The following ADGRE2 variants were observed in gnomAD, a reference collection of about 807,000 sequenced individuals.
The protein encoded by ADGRE2 is CD97 antigen.
Under a neutral mutation model 100.8 loss-of-function variants are expected in ADGRE2, and 83 were observed. The observed-to-expected ratio is 0.82, with a 90% CI of 0.69 to 0.99. The LOEUF is 0.99. Ranked by LOEUF, ADGRE2 falls within the 50% of genes least tolerant of loss-of-function variation. The probability of loss-of-function intolerance (pLI) is 0.00; values close to 1 mark genes in which losing one functional copy is unlikely to be tolerated. For synonymous variants in ADGRE2, 355 were observed against 413.0 expected (o/e 0.86, Z 1.70); for missense variants, 814 against 1,035.7 (o/e 0.79, Z 2.94).
At chr19:14,737,870 G>A (rs774530733) in intron 20 of ADGRE2, among the ~76,000 whole-genome samples, 224 of 151,866 alleles carry the variant, frequency 1.5e-3, no homozygotes, top group African/African-American at 5.1e-3. Context: ...CCAGCTACTC[G>A]GGAGGCTGAG....
the ADGRE2 span, among the ~76,000 whole-genome samples, chr19:14,724,657 T>C: frequency 6.6e-6 from 1 of 152,084 alleles, no homozygotes; most frequent in African/African-American, 2.4e-5. Context: ...TCCCAGCTAC[T>C]CTGGAGGCTG....
the ADGRE2 span, among the ~76,000 whole-genome samples, chr19:14,724,842 A>G: frequency 6.6e-6 from 1 of 152,192 alleles, no homozygotes; most frequent in South Asian, 2.1e-4. Flanking sequence ...ACACATGTGC[A>G]TTAATTCTTT....
chr19:14,772,257 C>T (rs116744246), intron 5 of ADGRE2, 85 bp downstream of exon 5: 1 of 1,576,364 alleles, frequency 6.3e-7, no homozygotes. Flanking sequence ...TACTTGGGTA[C>T]CTGCTCCCTG....
At chr19:14,749,098 T>C (rs2043180410) in intron 16 of ADGRE2, among the ~76,000 whole-genome samples, 1 of 150,828 alleles carries the variant, frequency 6.6e-6, no homozygotes, top group Admixed American at 6.6e-5. Flanking sequence ...ATTATAATTA[T>C]ATAACCATAT....
chr19:14,726,451 C>T, the ADGRE2 span, among the ~76,000 whole-genome samples: 5 of 152,278 alleles, frequency 3.3e-5, no homozygotes, highest in East Asian at 3.9e-4. Context: ...ATTCTTCCCC[C>T]GAAAATGCTC....
chr19:14,730,871 C>A, downstream of ADGRE2, among the ~76,000 whole-genome samples: 1 of 151,680 alleles, frequency 6.6e-6, no homozygotes, highest in African/African-American at 2.4e-5. Flanking sequence ...CACGTGTACC[C>A]AATATTTAGC....
At chr19:14,773,212 C>T (rs1003024165) in intron 4 of ADGRE2, among the ~76,000 whole-genome samples, 99 of 151,302 alleles carry the variant, frequency 6.5e-4, no homozygotes, top group African/African-American at 2.4e-3. Flanking sequence ...TTCCTGAGCA[C>T]GCAGCTTCTC....
At chr19:14,746,369 T>C in intron 17 of ADGRE2, 46 bp from the exon 18 acceptor site, 1 of 1,034,784 alleles carries the variant, frequency 9.7e-7, no homozygotes, top group Non-Finnish European at 1.4e-6. Context: ...TTGAAACCTG[T>C]TATCTCTTTT....
At chr19:14,724,235 AG>A in the ADGRE2 span, among the ~76,000 whole-genome samples, 55 of 152,346 alleles carry the variant, frequency 3.6e-4, no homozygotes, top group Non-Finnish European at 6.6e-4. Flanking sequence ...GATCAGAATG[AG>A]AAGAGCTAGG....
At chr19:14,763,977 C>T (rs2043851775) in intron 11 of ADGRE2, among the ~76,000 whole-genome samples, 1 of 150,192 alleles carries the variant, frequency 6.7e-6, no homozygotes, top group Non-Finnish European at 1.5e-5. Flanking sequence ...CCCTCCTGCC[C>T]TCTTCCTCCT....
chr19:14,744,212 C>T (rs2043015965), intron 18 of ADGRE2, among the ~76,000 whole-genome samples: 1 of 150,742 alleles, frequency 6.6e-6, no homozygotes, highest in South Asian at 2.1e-4. Flanking sequence ...CCACTGCACT[C>T]CAGCCTGGGA....
At chr19:14,730,803 T>C (rs1261807348), downstream of ADGRE2, among the ~76,000 whole-genome samples, 1 of 151,550 alleles carries the variant, frequency 6.6e-6, no homozygotes, top group East Asian at 1.9e-4. Context: ...ACCCTTGCCC[T>C]CCTCCCTCCC....
At position 14,777,006 on chromosome 19, in the gene ADGRE2, A is replaced by ACACACACG; in HGVS notation, c.-171-80_-171-79insCGTGTGTG. 3 of 1,365,286 alleles carry ACACACACG rather than the reference A, an allele frequency of 2.2e-6. No individual in the cohort carries two copies. In the South Asian group the frequency reaches 4.8e-5, roughly 22 times the overall value. 84.6% of individuals were successfully genotyped at this position (1,365,286 alleles called of 1,614,324 possible). On this transcript the variant is annotated intron_variant, in intron 1 of 20. Transcript: ENST00000315576. ...CACACACACACACACACACACACAC[A>ACACACACG]CACACACACGTGTACTCGCTCAGCA...
chr19:14,758,955 C>CCGGTTG (rs2147314087), intron 11 of ADGRE2, among the ~76,000 whole-genome samples: 1 of 151,358 alleles, frequency 6.6e-6, no homozygotes, highest in Admixed American at 6.6e-5. Flanking sequence ...AGTGGGTCTT[C>CCGGTTG]CGGTTGCGTG....
At chr19:14,760,506 C>T (rs2043677618) in intron 11 of ADGRE2, among the ~76,000 whole-genome samples, 1 of 152,052 alleles carries the variant, frequency 6.6e-6, no homozygotes, top group Non-Finnish European at 1.5e-5. Flanking sequence ...ATTACCATAT[C>T]ACCCAGCAAT....
At chr19:14,775,324 T>G (rs73521905) in intron 2 of ADGRE2, among the ~76,000 whole-genome samples, 6 of 152,066 alleles carry the variant, frequency 3.9e-5, no homozygotes, top group Non-Finnish European at 7.4e-5. Flanking sequence ...AAAAATAATT[T>G]AAAAAGTTAT....
intron 11 of ADGRE2, among the ~76,000 whole-genome samples, chr19:14,762,991 ATGTGAAT>A: frequency 6.6e-6 from 1 of 152,296 alleles, no homozygotes; most frequent in South Asian, 2.1e-4. Context: ...ACTTGATGTT[ATGTGAAT>A]TTTATCTTAA....
At chr19:14,755,946 G>C (rs777372590) in intron 12 of ADGRE2, 69 bp from the exon 13 acceptor site, 44 of 1,340,982 alleles carry the variant, frequency 3.3e-5, no homozygotes, top group Non-Finnish European at 4.4e-5. Flanking sequence ...GAGTTCCTCT[G>C]CCCTGCACAG....
downstream of ADGRE2, chr19:14,731,126 A>G (rs1487433178): frequency 8.6e-6 from 13 of 1,519,392 alleles, no homozygotes; most frequent in Middle Eastern, 3.4e-4. Context: ...TATTCATTCA[A>G]TTTCTCTTCT....
Sources: gnomAD v4.1 joint callset for allele counts (sites outside exome capture counted in the v4.1 genomes callset) on GRCh38, gnomAD v4.1.1 for gene constraint, MANE v1.5 for transcripts, NCBI Gene and HGNC (gene_info 2026-07-23, HGNC 2026-07-21) for gene names.